TAOK3: variants seen among roughly 807,000 people sequenced by gnomAD.
The protein encoded by TAOK3 is serine/threonine-protein kinase TAO3.
In TAOK3, 40 loss-of-function variants were observed where a neutral mutation model predicts 120.4. That is an observed-to-expected ratio of 0.33 (90% CI 0.26 to 0.43). The LOEUF (loss-of-function observed/expected upper bound fraction) is 0.43. Among genes scored for constraint, TAOK3 ranks in the 20% least tolerant of loss-of-function variants. The pLI, the probability that TAOK3 is intolerant of heterozygous loss-of-function variation, is 1.00. For synonymous variants in TAOK3, 355 were observed against 387.5 expected (o/e 0.92, Z 0.99); for missense variants, 821 against 1,112.1 (o/e 0.74, Z 3.72).
At chr12:118,347,384 T>A (rs934052066) in intron 1 of TAOK3, among the ~76,000 whole-genome samples, 7 of 152,096 alleles carry the variant, frequency 4.6e-5, no homozygotes, top group African/African-American at 1.7e-4. Flanking sequence ...TTTTCTTCAA[T>A]CCGCAGTTGC....
chr12:118,331,365 C>T (rs1201485587), intron 1 of TAOK3, among the ~76,000 whole-genome samples: 2 of 152,114 alleles, frequency 1.3e-5, no homozygotes, highest in Admixed American at 1.3e-4. Flanking sequence ...AGAATAATGG[C>T]TAGGCATGGT....
intron 3 of TAOK3, among the ~76,000 whole-genome samples, chr12:118,251,224 T>C (rs963682787): frequency 6.6e-6 from 1 of 152,170 alleles, no homozygotes; most frequent in Non-Finnish European, 1.5e-5. Flanking sequence ...AGAGTCTTCC[T>C]GGTAATAATG....
intron 14 of TAOK3, among the ~76,000 whole-genome samples, chr12:118,184,758 A>C (rs1397725801): frequency 6.6e-6 from 1 of 152,130 alleles, no homozygotes; most frequent in African/African-American, 2.4e-5. Flanking sequence ...ATCAACTAAA[A>C]GTGGGCAGTA....
chr12:118,345,886 A>C (rs952811403), intron 1 of TAOK3, among the ~76,000 whole-genome samples: 2 of 152,252 alleles, frequency 1.3e-5, no homozygotes, highest in Non-Finnish European at 2.9e-5. Flanking sequence ...GCAACAATGC[A>C]TGCAGGCTTG....
intron 1 of TAOK3, among the ~76,000 whole-genome samples, chr12:118,290,812 C>A (rs1479033658): frequency 1.3e-5 from 2 of 151,250 alleles, no homozygotes; most frequent in African/African-American, 4.9e-5. Flanking sequence ...CACTACTTAA[C>A]ACGGTGGCTG....
At chr12:118,270,669 CTTTTTTT>C (rs761296706) in intron 1 of TAOK3, among the ~76,000 whole-genome samples, 4 of 125,976 alleles carry the variant, frequency 3.2e-5, no homozygotes, top group African/African-American at 1.3e-4. Context: ...CTAAATGTCA[CTTTTTTT>C]TTTTTTTTTT....
chr12:118,327,420 C>T (rs1184229389), intron 1 of TAOK3, among the ~76,000 whole-genome samples: 1 of 152,082 alleles, frequency 6.6e-6, no homozygotes, highest in Non-Finnish European at 1.5e-5. Flanking sequence ...AAGTTTGAAA[C>T]ACTTATTTAT....
chr12:118,234,769 T>C (rs1028619237), intron 8 of TAOK3, among the ~76,000 whole-genome samples: 1 of 152,180 alleles, frequency 6.6e-6, no homozygotes, highest in African/African-American at 2.4e-5. Flanking sequence ...TAAAGCAATA[T>C]AATCAGCTGT....
chr12:118,253,276 T>C (rs988640761), intron 3 of TAOK3, among the ~76,000 whole-genome samples: 3 of 152,148 alleles, frequency 2.0e-5, no homozygotes, highest in Non-Finnish European at 4.4e-5. Flanking sequence ...ATAAGCCCTA[T>C]CCAGATGGCA....
At chr12:118,275,631 C>T (rs1426388101) in intron 1 of TAOK3, among the ~76,000 whole-genome samples, 1 of 152,136 alleles carries the variant, frequency 6.6e-6, no homozygotes, top group African/African-American at 2.4e-5. Context: ...ATTTACTTTA[C>T]TCATTTATTC....
At chr12:118,188,952 G>GCGCGCA (rs917834592) in intron 14 of TAOK3, among the ~76,000 whole-genome samples, 1 of 152,244 alleles carries the variant, frequency 6.6e-6, no homozygotes, top group African/African-American at 2.4e-5. Flanking sequence ...GTGAGTGTGA[G>GCGCGCA]CGCGCACGCG....
chr12:118,287,904 T>A (rs2042322290), intron 1 of TAOK3, among the ~76,000 whole-genome samples: 2 of 152,086 alleles, frequency 1.3e-5, no homozygotes. Flanking sequence ...ACAACAGCAC[T>A]GTGAGAGCTC....
At chr12:118,252,711 C>T (rs2040808723) in intron 3 of TAOK3, among the ~76,000 whole-genome samples, 1 of 149,724 alleles carries the variant, frequency 6.7e-6, no homozygotes, top group South Asian at 2.1e-4. Flanking sequence ...AATTAGCACC[C>T]TTTTTTCTTT....
At chr12:118,189,519 AACACACACAGACACAGACACACAC>A (rs2037289626) in intron 14 of TAOK3, among the ~76,000 whole-genome samples, 1 of 135,060 alleles carries the variant, frequency 7.4e-6, no homozygotes, top group Non-Finnish European at 1.6e-5. Context: ...AGCATATACA[AACACACACAGACACAGACACACAC>A]ACACACACAC....
intron 1 of TAOK3, among the ~76,000 whole-genome samples, chr12:118,324,077 T>C (rs935050549): frequency 3.9e-5 from 6 of 152,260 alleles, no homozygotes; most frequent in Admixed American, 1.3e-4. Flanking sequence ...AAAATTATGA[T>C]ATAAATCTGG....
chr12:118,363,337 A>G (rs1348978228), intron 1 of TAOK3, among the ~76,000 whole-genome samples: 1 of 152,118 alleles, frequency 6.6e-6, no homozygotes, highest in African/African-American at 2.4e-5. Context: ...AATTATATTT[A>G]AATATTATTT....
At chr12:118,269,383 CTTTTT>C (rs1174725563) in intron 1 of TAOK3, among the ~76,000 whole-genome samples, 67 of 103,884 alleles carry the variant, frequency 6.4e-4, no homozygotes, top group Admixed American at 1.9e-3. Context: ...TCTCTCTCTT[CTTTTT>C]TTTTTTTTTT....
At chr12:118,308,142 A>C (rs541337311) in intron 1 of TAOK3, among the ~76,000 whole-genome samples, 24 of 152,196 alleles carry the variant, frequency 1.6e-4, no homozygotes, top group Non-Finnish European at 3.2e-4. Flanking sequence ...AACCCACCAA[A>C]ACCAAGATGG....
intron 1 of TAOK3, among the ~76,000 whole-genome samples, chr12:118,335,033 A>G (rs1046286752): frequency 6.6e-6 from 1 of 152,026 alleles, no homozygotes; most frequent in African/African-American, 2.4e-5. Flanking sequence ...ACAAAAAAGT[A>G]GCCAGGCATG....
Sources: gnomAD v4.1 joint callset for allele counts (sites outside exome capture counted in the v4.1 genomes callset) on GRCh38, gnomAD v4.1.1 for gene constraint, MANE v1.5 for transcripts, NCBI Gene and HGNC (gene_info 2026-07-23, HGNC 2026-07-21) for gene names.